HAVCR2: variants seen among roughly 807,000 people sequenced by gnomAD.
HAVCR2 encodes T cell immunoglobulin mucin 3.
A neutral mutation model predicts 24.7 loss-of-function variants in HAVCR2; 13 were observed. The ratio of observed to expected loss-of-function variants is 0.53; its 90% CI spans 0.34 to 0.84. The LOEUF is 0.84. Ranked by LOEUF, HAVCR2 falls within the 40% of genes least tolerant of loss-of-function variation. The pLI is 0.01. For synonymous variants in HAVCR2, 154 were observed against 143.4 expected (o/e 1.07, Z -0.53); for missense variants, 343 against 371.2 (o/e 0.92, Z 0.62).
chr5:157,091,408 T>A (rs1756998114), intron 5 of HAVCR2, among the ~76,000 whole-genome samples: 1 of 150,486 alleles, frequency 6.6e-6, no homozygotes, highest in Non-Finnish European at 1.5e-5. Flanking sequence ...ATTGCACCAT[T>A]GCACTCCAGC....
chr5:157,097,107 T>C (rs1417723200), intron 4 of HAVCR2, among the ~76,000 whole-genome samples: 1 of 152,164 alleles, frequency 6.6e-6, no homozygotes, highest in East Asian at 1.9e-4. Flanking sequence ...CATTAAGCAT[T>C]GTGGGCACAT....
chr5:157,103,494 G>A (rs142712375), intron 3 of HAVCR2, among the ~76,000 whole-genome samples: 12 of 152,102 alleles, frequency 7.9e-5, no homozygotes, highest in African/African-American at 2.7e-4. Flanking sequence ...CATACAATAA[G>A]TATCTGGTAT....
intron 3 of HAVCR2, among the ~76,000 whole-genome samples, chr5:157,101,310 G>C (rs778086736): frequency 6.6e-6 from 1 of 152,128 alleles, no homozygotes; most frequent in Non-Finnish European, 1.5e-5. Context: ...TTTTCACACA[G>C]ATTTGGCCAC....
intron 3 of HAVCR2, among the ~76,000 whole-genome samples, chr5:157,100,261 T>C (rs1288049918): frequency 6.6e-6 from 1 of 152,204 alleles, no homozygotes; most frequent in Non-Finnish European, 1.5e-5. Flanking sequence ...CAAGGTCACA[T>C]GACTTAGCAA....
rs1247359896 is a variant in HAVCR2 at position 157,088,401 on chromosome 5, A to G, written c.713+540T>C. On this transcript the variant is annotated intron_variant, in intron 6 of 6. Coordinates refer to ENST00000307851, the MANE Select transcript of HAVCR2 (RefSeq NM_032782.5). Reference sequence around the variant, plus strand: ...GTTCTCAGCCCTGACTGTTCACTAGAATCACCTGGAGAGCTTTTAGAACAA... The same window carrying G: ...GTTCTCAGCCCTGACTGTTCACTAGGATCACCTGGAGAGCTTTTAGAACAA... 2.6e-5 allele frequency among the ~76,000 whole-genome samples: 4 copies of G among 152,328 alleles called. No homozygotes were observed. In the East Asian group the frequency reaches 7.7e-4, roughly 29 times the overall value.
intron 4 of HAVCR2, among the ~76,000 whole-genome samples, chr5:157,096,535 T>G (rs193263007): frequency 4.7e-4 from 72 of 152,202 alleles, no homozygotes; most frequent in African/African-American, 1.6e-3. Context: ...TCCCAGCACT[T>G]TGGGAGGCCA....
rs1374513923 is a variant in HAVCR2 at position 157,102,981 on chromosome 5, G to A, written c.478+1685C>T. Among the ~76,000 whole-genome samples the A allele has an allele frequency of 2.9e-4, 44 of 150,814 alleles. 2 individuals carry two copies. The stretch of plus-strand genomic sequence containing the variant: ...AAAAACTAAAGGAAAGAAGACTTCT[G>A]TCTGTGGTAGAGACAAGTATAAGGA... On this transcript the variant is annotated intron_variant, in intron 3 of 6. Transcript: ENST00000307851.
chr5:157,102,949 A>AAG (rs1757189705), intron 3 of HAVCR2, among the ~76,000 whole-genome samples: 2 of 149,338 alleles, frequency 1.3e-5, no homozygotes, highest in East Asian at 2.0e-4. Context: ...AAAAAAAAAA[A>AAG]GGAAAGAAAA....
At position 157,106,959 on chromosome 5, in the gene HAVCR2, G is replaced by A; in HGVS notation, c.62C>T (p.Ser21Phe). 6.2e-7 allele frequency: 1 copy of A among 1,610,284 alleles called. No homozygotes were observed. The highest frequency in any genetic ancestry group is 8.5e-7 in the Non-Finnish European group (1 of 1,177,676). Residue 21 changes from serine (S) to phenylalanine (F), a missense_variant, in exon 2 of 7, where the codon TCC becomes TTC. Physicochemically the swap from Ser to Phe is radical, Grantham distance 155. Transcript: ENST00000307851. ...CTCCGCTCTGTATTCCACTTCTGAG[G>A]ACCCTGCATAGAGAGAGAAGGAGAG... ...LLLLLLLLTR[S>F]SEVEYRAEVG...
chr5:157,094,886 TTTG>T (rs1222859523), intron 5 of HAVCR2, among the ~76,000 whole-genome samples: 5 of 152,300 alleles, frequency 3.3e-5, no homozygotes, highest in African/African-American at 1.2e-4. Context: ...GGAAGTGTTT[TTTG>T]TTGTTGTGTT....
At chr5:157,088,794 C>G in intron 6 of HAVCR2, 147 bp downstream of exon 6, 1 of 706,274 alleles carries the variant, frequency 1.4e-6, no homozygotes. Context: ...TACATTTTCA[C>G]TTCATAACTA....
At chr5:157,107,050 T>G (rs1757263886) in intron 1 of HAVCR2, 88 bp from the exon 2 acceptor site, 9 of 1,092,192 alleles carry the variant, frequency 8.2e-6, no homozygotes, top group Non-Finnish European at 1.1e-5. Flanking sequence ...TCTTACAGAA[T>G]AAAGAGGAAG....
intron 5 of HAVCR2, among the ~76,000 whole-genome samples, chr5:157,089,501 A>T (rs1344678623): frequency 6.6e-6 from 1 of 151,116 alleles, no homozygotes; most frequent in East Asian, 1.9e-4. Context: ...GCGCCATTGC[A>T]CTCCAGCCTG....
intron 6 of HAVCR2, 41 bp downstream of exon 6, chr5:157,088,900 A>G (rs1756952901): frequency 6.4e-7 from 1 of 1,570,874 alleles, no homozygotes. Flanking sequence ...AGGGACTTCC[A>G]AGATTCTCAC....
chr5:157,102,180 A>G (rs4704848), intron 3 of HAVCR2, among the ~76,000 whole-genome samples: 127,111 of 151,910 alleles, frequency 0.84, 53,321 homozygotes, highest in East Asian at 0.99. Context: ...CAGGTGATCC[A>G]TCTGCCTTGG....
At chr5:157,096,663 G>C (rs2113689220) in intron 4 of HAVCR2, among the ~76,000 whole-genome samples, 1 of 152,214 alleles carries the variant, frequency 6.6e-6, no homozygotes, top group Non-Finnish European at 1.5e-5. Context: ...TATAGTCCCA[G>C]CTATTTGGGA....
chr5:157,094,201 T>G (rs1290695889), intron 5 of HAVCR2, among the ~76,000 whole-genome samples: 2 of 151,046 alleles, frequency 1.3e-5, no homozygotes, highest in African/African-American at 4.9e-5. Context: ...GCCCAGCTCA[T>G]TATTATTATT....
chr5:157,107,193 T>C (rs985015893), intron 1 of HAVCR2: 4 of 527,348 alleles, frequency 7.6e-6, no homozygotes, highest in Admixed American at 6.7e-5. Flanking sequence ...CCTGACTCAG[T>C]TGGCCTGTGG....
chr5:157,097,988 C>T (rs10067589), intron 4 of HAVCR2, among the ~76,000 whole-genome samples: 132,944 of 152,150 alleles, frequency 0.87, 58,288 homozygotes, highest in East Asian at 0.99. Flanking sequence ...ATACATAAAA[C>T]TGGCTGGGCA....
Sources: allele counts gnomAD v4.1 joint callset (sites outside exome capture counted in the v4.1 genomes callset), GRCh38; gene constraint gnomAD v4.1.1; transcripts MANE v1.5; gene names NCBI Gene and HGNC (gene_info 2026-07-23, HGNC 2026-07-21).